The following TAF4B variants were observed in gnomAD, a reference collection of about 807,000 sequenced individuals.
TAF4B encodes TATA-box binding protein associated factor 4b, also known as transcription initiation factor TFIID subunit 4B.
A neutral mutation model predicts 86.4 loss-of-function variants in TAF4B; 38 were observed. The ratio of observed to expected loss-of-function variants is 0.44; its 90% CI spans 0.34 to 0.58. The LOEUF is 0.58. Ranked by LOEUF, TAF4B falls within the 20% of genes least tolerant of loss-of-function variation. The pLI, the probability that TAF4B is intolerant of heterozygous loss-of-function variation, is 0.02. For missense variants in TAF4B, 988 were observed against 1,027.6 expected (o/e 0.96, Z 0.53); for synonymous variants, 388 against 391.2 (o/e 0.99, Z 0.10).
chr18:26,321,786 C>G (rs1444572164), intron 11 of TAF4B, among the ~76,000 whole-genome samples: 3 of 152,062 alleles, frequency 2.0e-5, no homozygotes, highest in African/African-American at 7.2e-5. Flanking sequence ...CAATATATTA[C>G]TAACCATAGT....
At chr18:26,282,181 CCT>C (rs1358460935) in intron 6 of TAF4B, 121 bp downstream of exon 6, 2 of 777,404 alleles carry the variant, frequency 2.6e-6, no homozygotes, top group African/African-American at 1.8e-5. Context: ...GTGGGAGAAA[CCT>C]CTGAGTGCTT....
chr18:26,347,561 A>G (rs1026745622), intron 13 of TAF4B, among the ~76,000 whole-genome samples: 14 of 152,250 alleles, frequency 9.2e-5, no homozygotes, highest in African/African-American at 3.4e-4. Context: ...AATGATAGTA[A>G]TAAGTCCACA....
chr18:26,234,089 C>T (rs1196943686), intron 1 of TAF4B, among the ~76,000 whole-genome samples: 1 of 151,984 alleles, frequency 6.6e-6, no homozygotes, highest in Non-Finnish European at 1.5e-5. Context: ...TGTTAACCAC[C>T]CCGAGGGGAG....
At chr18:26,373,253 T>C (rs1173615763) in intron 14 of TAF4B, among the ~76,000 whole-genome samples, 2 of 152,276 alleles carry the variant, frequency 1.3e-5, no homozygotes, top group East Asian at 3.9e-4. Context: ...CTTATTACCC[T>C]AGTCAGGAGG....
At chr18:26,265,724 A>G (rs1396454222) in intron 2 of TAF4B, among the ~76,000 whole-genome samples, 1 of 151,952 alleles carries the variant, frequency 6.6e-6, no homozygotes, top group African/African-American at 2.4e-5. Flanking sequence ...ACCATGCCCG[A>G]CTAATTTTAT....
intron 13 of TAF4B, among the ~76,000 whole-genome samples, chr18:26,357,310 G>C (rs1357520625): frequency 6.6e-6 from 1 of 152,166 alleles, no homozygotes; most frequent in Non-Finnish European, 1.5e-5. Context: ...TACAAAAACT[G>C]TCTTTATTTT....
At chr18:26,356,915 A>T (rs1034254915) in intron 13 of TAF4B, among the ~76,000 whole-genome samples, 5 of 147,742 alleles carry the variant, frequency 3.4e-5, no homozygotes, top group East Asian at 1.9e-4. Flanking sequence ...TTGCCCACAT[A>T]AAAAAAAATT....
At chr18:26,336,013 T>C (rs2144698894) in intron 13 of TAF4B, among the ~76,000 whole-genome samples, 1 of 152,242 alleles carries the variant, frequency 6.6e-6, no homozygotes, top group African/African-American at 2.4e-5. Context: ...TACCTAAGGT[T>C]GAAGGTGCAG....
intron 9 of TAF4B, among the ~76,000 whole-genome samples, chr18:26,302,859 T>A (rs866619330): frequency 5.3e-5 from 8 of 152,084 alleles, no homozygotes; most frequent in Admixed American, 2.0e-4. Context: ...CTCTTTTTTT[T>A]AATCTTTCTT....
chr18:26,349,325 T>A (rs1401428717), intron 13 of TAF4B, among the ~76,000 whole-genome samples: 3 of 151,994 alleles, frequency 2.0e-5, no homozygotes, highest in Non-Finnish European at 4.4e-5. Flanking sequence ...TCTTATTGAC[T>A]ACCAATGCAA....
intron 14 of TAF4B, among the ~76,000 whole-genome samples, chr18:26,370,064 A>G (rs1282360734): frequency 6.6e-6 from 1 of 152,240 alleles, no homozygotes; most frequent in Non-Finnish European, 1.5e-5. Context: ...TGGGAGAACA[A>G]GTATTTATTA....
At chr18:26,338,470 A>ATTTTTTTTT (rs764826705) in intron 13 of TAF4B, among the ~76,000 whole-genome samples, 6 of 71,206 alleles carry the variant, frequency 8.4e-5, no homozygotes, top group African/African-American at 1.6e-4. Context: ...AAGAACTAGA[A>ATTTTTTTTT]TTTTTTTTTT....
intron 14 of TAF4B, among the ~76,000 whole-genome samples, chr18:26,372,960 C>A (rs1280262963): frequency 4.0e-4 from 55 of 138,544 alleles, no homozygotes; most frequent in Admixed American, 5.7e-4. Flanking sequence ...GACTCTGTCT[C>A]AAAAAAAAAA....
At chr18:26,272,075 G>C (rs1172671301) in intron 3 of TAF4B, among the ~76,000 whole-genome samples, 1 of 151,784 alleles carries the variant, frequency 6.6e-6, no homozygotes, top group Non-Finnish European at 1.5e-5. Context: ...CACAGGAACA[G>C]GAGAGGCCAG....
intron 11 of TAF4B, among the ~76,000 whole-genome samples, chr18:26,325,082 A>G (rs758473986): frequency 1.1e-4 from 16 of 152,216 alleles, no homozygotes; most frequent in Non-Finnish European, 2.1e-4. Context: ...CTGGTTTGAT[A>G]TAATTCTTTA....
chr18:26,254,008 C>T (rs2056044742), intron 1 of TAF4B, among the ~76,000 whole-genome samples: 1 of 149,226 alleles, frequency 6.7e-6, no homozygotes, highest in Non-Finnish European at 1.5e-5. Context: ...TCACTACAAC[C>T]TCTGCCTCCC....
rs146699043 is a variant in TAF4B, at chr18:26,256,819, CTT to C, written c.344-8338_344-8337del. On this transcript the variant is annotated intron_variant, in intron 1 of 14. Transcript: ENST00000269142. ...ATGCACATATTTGGGAGTTACCCCA[CTT>C]TTTTTTTTTTTTCTGTCACTGTTTT... is the stretch of plus-strand genomic sequence containing the variant. 6.0e-3 allele frequency among the ~76,000 whole-genome samples: 858 copies of C among 142,074 alleles called. 8 individuals carry two copies. Among genetic ancestry groups the C allele is most frequent in the African/African-American group, 0.021 (811 of 38,880 alleles). The allele number at this position is 142,074 out of a possible 152,430, so 93.2% of individuals were successfully genotyped here.
rs200557912 is a variant in TAF4B, at chr18:26,281,983, G to C, written c.895G>C (p.Glu299Gln). 1 of 1,612,432 alleles carries C rather than the reference G, an allele frequency of 6.2e-7. No individual in the cohort carries two copies. Among genetic ancestry groups the C allele is most frequent in the East Asian group, 2.2e-5 (1 of 44,800 alleles). The change falls in exon 6 of 15, where the codon GAA (glutamate) becomes CAA (glutamine). Residue 299 changes from glutamate to glutamine, a missense_variant. Coordinates refer to ENST00000269142, the MANE Select transcript of TAF4B (RefSeq NM_005640.3). The stretch of plus-strand genomic sequence containing the variant: ...TCCCATCCCTCAGGATGCAAAAATC[G>C]AAGCAGAAGAATTTACTAGGAAACT... The part of the protein sequence containing the change: ...LVEQLLDAKI[E>Q]AEEFTRKLYV...
intron 14 of TAF4B, among the ~76,000 whole-genome samples, chr18:26,365,002 CT>C (rs1236686001): frequency 0.11 from 11,687 of 109,172 alleles, 361 homozygotes; most frequent in African/African-American, 0.18. Flanking sequence ...TAATTCTATT[CT>C]TTTTTTTTTT....
Sources: gnomAD v4.1 joint callset for allele counts (sites outside exome capture counted in the v4.1 genomes callset) on GRCh38, gnomAD v4.1.1 for gene constraint, MANE v1.5 for transcripts, NCBI Gene and HGNC (gene_info 2026-07-23, HGNC 2026-07-21) for gene names.